MYOM1: variants seen among roughly 807,000 people sequenced by gnomAD.
MYOM1 encodes myomesin 1, also known as myomesin-1.
Under a neutral mutation model 205.3 loss-of-function variants are expected in MYOM1, and 164 were observed. The observed-to-expected ratio is 0.80, with a 90% CI of 0.70 to 0.91. The LOEUF (loss-of-function observed/expected upper bound fraction) is 0.91. Ranked by LOEUF, MYOM1 falls within the 40% of genes least tolerant of loss-of-function variation. The pLI, the probability that MYOM1 is intolerant of heterozygous loss-of-function variation, is 0.00. For missense variants in MYOM1, 2,011 were observed against 2,127.3 expected (o/e 0.95, Z 1.08); for synonymous variants, 772 against 789.4 (o/e 0.98, Z 0.37).
In MYOM1 at chr18:3,131,378, T is replaced by C; in HGVS notation, c.2503A>G (p.Ile835Val). 6.2e-7 allele frequency: 1 copy of C among 1,613,906 alleles called. No homozygotes were observed. Among genetic ancestry groups the C allele is most frequent in the Non-Finnish European group, 8.5e-7 (1 of 1,179,826 alleles). Reference protein sequence around the residue: ...DSEAIEVKAAIGGGVSPDVCP... With the variant: ...DSEAIEVKAAVGGGVSPDVCP... ...CAGTTATGCATAAGGAACTTACCAATAGCAGCTTTGACTTCAATAGCTTCT... is the reference window on the plus strand; with the variant it reads ...CAGTTATGCATAAGGAACTTACCAACAGCAGCTTTGACTTCAATAGCTTCT... The change falls in exon 17 of 38, where the codon ATT (isoleucine) becomes GTT (valine). Residue 835 changes from isoleucine (I) to valine (V), a missense_variant. Ile to Val is a conservative substitution (Grantham distance 29). Transcript: ENST00000356443.
intron 37 of MYOM1, among the ~76,000 whole-genome samples, chr18:3,068,542 C>T (rs112935972): frequency 6.6e-6 from 1 of 152,272 alleles, no homozygotes; most frequent in African/African-American, 2.4e-5. Context: ...CCTCCAACTT[C>T]CAAACTCTGT....
At chr18:3,118,807 A>G (rs757803021) in intron 20 of MYOM1, among the ~76,000 whole-genome samples, 1 of 152,202 alleles carries the variant, frequency 6.6e-6, no homozygotes, top group Non-Finnish European at 1.5e-5. Flanking sequence ...AGGAACTGCA[A>G]GGAAAGAGCA....
At chr18:3,090,119 A>G (rs1046724564) in intron 27 of MYOM1, among the ~76,000 whole-genome samples, 1 of 152,218 alleles carries the variant, frequency 6.6e-6, no homozygotes, top group South Asian at 2.1e-4. Context: ...ATTTAAACGC[A>G]GTCTTGCCTG....
At chr18:3,117,106 C>T (rs1316934703) in intron 20 of MYOM1, among the ~76,000 whole-genome samples, 1 of 152,184 alleles carries the variant, frequency 6.6e-6, no homozygotes, top group Non-Finnish European at 1.5e-5. Flanking sequence ...GTTCTTCTGC[C>T]TCAGCCTCCC....
At position 3,112,338 on chromosome 18, in the gene MYOM1, T is replaced by C. The variant is rs755921088; in HGVS notation, c.3378A>G (p.Pro1126=). Residue 1126 remains proline (P), a synonymous_variant, in exon 22 of 38, where the codon CCA becomes CCG. Coordinates refer to ENST00000356443, the MANE Select transcript of MYOM1 (RefSeq NM_003803.4). ...CCACAACAGGGCCAGCAAGGTCAGATGGCTTCCCAACTCCCGCCTGGTTTA... is the reference window on the plus strand; with the variant it reads ...CCACAACAGGGCCAGCAAGGTCAGACGGCTTCCCAACTCCCGCCTGGTTTA... ...RAINQAGVGK[P]SDLAGPVVAE... is the part of the protein sequence containing the mutation. 1.5e-5 allele frequency: 25 copies of C among 1,612,914 alleles called. No individual in the cohort carries two copies. The Admixed American group carries it at 2.8e-4, about 18-fold the overall frequency.
intron 3 of MYOM1, 31 bp downstream of exon 3, chr18:3,193,787 A>G (rs749014372): frequency 2.5e-6 from 4 of 1,601,790 alleles, no homozygotes; most frequent in Non-Finnish European, 3.4e-6. Flanking sequence ...ACTTCTTAAA[A>G]ATTAAAGCCA....
chr18:3,124,590 A>G (rs1041481450), intron 19 of MYOM1, among the ~76,000 whole-genome samples: 2 of 151,754 alleles, frequency 1.3e-5, no homozygotes, highest in East Asian at 3.9e-4. Context: ...CGGCCTCCCA[A>G]AGTGCTGGGA....
intron 8 of MYOM1, among the ~76,000 whole-genome samples, chr18:3,171,813 G>A (rs2080561296): frequency 6.6e-6 from 1 of 152,094 alleles, no homozygotes; most frequent in South Asian, 2.1e-4. Context: ...CTACTGTTAC[G>A]GCTGCTTTTG....
At chr18:3,134,929 C>A in intron 15 of MYOM1, 105 bp from the exon 16 acceptor site, 5 of 1,103,346 alleles carry the variant, frequency 4.5e-6, no homozygotes, top group Non-Finnish European at 2.6e-6. Flanking sequence ...TTCGTCATGT[C>A]AAAAGAACAG....
intron 21 of MYOM1, among the ~76,000 whole-genome samples, chr18:3,115,563 G>A (rs2079592419): frequency 6.6e-6 from 1 of 152,102 alleles, no homozygotes; most frequent in Admixed American, 6.6e-5. Context: ...GAGTGACTGT[G>A]GTGAAGTCAG....
chr18:3,211,623 C>CT (rs1376710457), intron 2 of MYOM1, among the ~76,000 whole-genome samples: 18 of 152,018 alleles, frequency 1.2e-4, no homozygotes, highest in African/African-American at 4.4e-4. Flanking sequence ...GTTTGTTTTC[C>CT]TAAATTATTT....
chr18:3,076,927 T>C (rs998429261), intron 34 of MYOM1, among the ~76,000 whole-genome samples: 1 of 151,922 alleles, frequency 6.6e-6, no homozygotes, highest in African/African-American at 2.4e-5. Flanking sequence ...TTGGCCAGGA[T>C]GGTCTCGATC....
At position 3,109,401 on chromosome 18, in the gene MYOM1, T is replaced by C. The variant is rs147712915; in HGVS notation, c.3418+2897A>G. Among the ~76,000 whole-genome samples, 12 of 152,320 alleles carry C rather than the reference T, an allele frequency of 7.9e-5. 1 individual carries two copies. The highest frequency in any genetic ancestry group is 3.4e-3 in the Middle Eastern group (1 of 294). On this transcript the variant is annotated intron_variant, in intron 22 of 37. Transcript: ENST00000356443. ...AAAGAGGCATATTCTCTCAAGTTGATTGAGGGATGTGGTTCTGATAATTAA... is the reference window on the plus strand; with the variant it reads ...AAAGAGGCATATTCTCTCAAGTTGACTGAGGGATGTGGTTCTGATAATTAA...
the MYOM1 span, among the ~76,000 whole-genome samples, chr18:3,243,568 GT>G: frequency 6.6e-6 from 1 of 152,164 alleles, no homozygotes; most frequent in East Asian, 1.9e-4. Context: ...CAATTGACCA[GT>G]TACCATGTAT....
rs769174012 is a variant in MYOM1, at chr18:3,188,805, C to A, written c.714G>T (p.Lys238Asn). ...CTCGAATCACAACTTTCCTTGACTTCTTTTCAGAAGTTTCTTCCTGTTGAA... is the reference window on the plus strand; with the variant it reads ...CTCGAATCACAACTTTCCTTGACTTATTTTCAGAAGTTTCTTCCTGTTGAA... Reference protein sequence around the residue: ...SALQQEETSEKKSRKVVIREK... With the variant: ...SALQQEETSENKSRKVVIREK... The change falls in exon 4 of 38, where the codon AAG becomes AAT. Residue 238 changes from lysine (K) to asparagine (N), a missense_variant. By Grantham distance (94) the Lys-to-Asn change is moderately conservative (BLOSUM62 0). Transcript: ENST00000356443. 2 of 1,608,238 alleles carry A rather than the reference C, an allele frequency of 1.2e-6. No individual in the cohort carries two copies. Among genetic ancestry groups the A allele is most frequent in the Admixed American group, 1.7e-5 (1 of 59,674 alleles).
chr18:3,156,490 A>T (rs1415376610), intron 10 of MYOM1, among the ~76,000 whole-genome samples: 1 of 152,220 alleles, frequency 6.6e-6, no homozygotes, highest in Admixed American at 6.5e-5. Flanking sequence ...CTAGGCAAAT[A>T]TCTCCTGCAG....
chr18:3,181,455 T>C (rs1053753424), intron 5 of MYOM1, among the ~76,000 whole-genome samples: 2 of 152,248 alleles, frequency 1.3e-5, no homozygotes, highest in African/African-American at 2.4e-5. Flanking sequence ...AAATAATTTG[T>C]GTTAACCATT....
chr18:3,226,087 G>T, the MYOM1 span, among the ~76,000 whole-genome samples: 1 of 152,204 alleles, frequency 6.6e-6, no homozygotes, highest in Non-Finnish European at 1.5e-5. The surrounding 1 kb of genome is among the most constrained non-coding windows in gnomAD (Gnocchi z 4.6). Flanking sequence ...AACTACTGGA[G>T]AATCAAAATT....
chr18:3,136,052 C>T (rs1214510330), intron 14 of MYOM1, among the ~76,000 whole-genome samples: 6 of 152,058 alleles, frequency 3.9e-5, no homozygotes, highest in Non-Finnish European at 5.9e-5. Flanking sequence ...ATACTGTTCT[C>T]GTGGTAGTGA....
Sources: gnomAD v4.1 joint callset for allele counts (sites outside exome capture counted in the v4.1 genomes callset) on GRCh38, gnomAD v4.1.1 for gene constraint, Gnocchi (gnomAD v3.1) non-coding constraint, MANE v1.5 for transcripts, NCBI Gene and HGNC (gene_info 2026-07-23, HGNC 2026-07-21) for gene names.